The following PITPNM2 variants were observed in gnomAD, a reference collection of about 807,000 sequenced individuals.
PITPNM2 encodes the protein membrane-associated phosphatidylinositol transfer protein 2.
PITPNM2 carries 35 observed loss-of-function variants against 132.2 expected under a neutral mutation model. That is an observed-to-expected ratio of 0.26 (90% CI 0.20 to 0.35). The LOEUF is 0.35. Ranked by LOEUF, PITPNM2 falls within the 10% of genes least tolerant of loss-of-function variation. The pLI is 1.00. For missense variants in PITPNM2, 1,332 were observed against 1,912.0 expected (o/e 0.70, Z 5.66); for synonymous variants, 738 against 799.2 (o/e 0.92, Z 1.29).
chr12:123,124,397 A>C (rs1301267081), intron 1 of PITPNM2, among the ~76,000 whole-genome samples: 2 of 152,084 alleles, frequency 1.3e-5, no homozygotes, highest in African/African-American at 2.4e-5. Flanking sequence ...ACACCACTGC[A>C]CTCCAACCTG....
At chr12:123,049,933 G>A (rs1592973715) in intron 2 of PITPNM2, among the ~76,000 whole-genome samples, 1 of 152,352 alleles carries the variant, frequency 6.6e-6, no homozygotes, top group South Asian at 2.1e-4. Context: ...GGCAGATAAC[G>A]CTGCCGCCAA....
In PITPNM2 at chr12:123,005,191, T is replaced by C. The variant is rs1234245272; in HGVS notation, c.952+49A>G. On this transcript the variant is annotated intron_variant, in intron 7 of 25. Transcript: ENST00000320201. The surrounding 1 kb of genome is among the most constrained non-coding windows in gnomAD (Gnocchi z 6.2). ...TGATCCAGCAGTGTGTGGGGCTGCC[T>C]TGAGGGGAGGGACCTTGAGTGTGGG... is the stretch of plus-strand genomic sequence containing the variant. The C allele has an allele frequency of 3.2e-6, 5 of 1,574,920 alleles. No homozygotes were observed. In the South Asian group the frequency reaches 4.7e-5, roughly 15 times the overall value.
rs371274193 is a variant in PITPNM2 at position 122,986,423 on chromosome 12, T to C, written c.3726+13A>G. On this transcript the variant is annotated intron_variant, in intron 25 of 25. Coordinates refer to ENST00000320201, the MANE Select transcript of PITPNM2 (RefSeq NM_020845.3). ...TGCCCGCCTGCACCCGCCCCCACAA[T>C]GCGCCCACTCACCTGGCACTGCTGC... 3.8e-6 allele frequency: 6 copies of C among 1,567,054 alleles called. No homozygotes were observed. The highest frequency in any genetic ancestry group is 1.2e-5 in the South Asian group (1 of 85,510).
Position 122,986,045 on chromosome 12 carries a change from T to A in PITPNM2, c.4032A>T (p.Ala1344=). ...CGGTGCCCTACTTGGGGCCCGCGGCTGCCCCCGGCTCCAGGCGGCCAGTCA... is the reference window on the plus strand; with the variant it reads ...CGGTGCCCTACTTGGGGCCCGCGGCAGCCCCCGGCTCCAGGCGGCCAGTCA... ...RAMTGRLEPG[A]AAGPK Residue 1344 remains alanine (A), a synonymous_variant, in exon 26 of 26, where the codon GCA becomes GCT. Coordinates refer to ENST00000320201, the MANE Select transcript of PITPNM2 (RefSeq NM_020845.3). The A allele has an allele frequency of 7.1e-7, 1 of 1,407,090 alleles. No homozygotes were observed. The highest frequency in any genetic ancestry group is 9.2e-7 in the Non-Finnish European group (1 of 1,092,190). The allele number at this position is 1,407,090 out of a possible 1,614,324, so 87.2% of individuals were successfully genotyped here.
chr12:123,005,171 C>T lies in PITPNM2; in HGVS notation c.952+69G>A, dbSNP rs1214188153. 2 of 1,522,954 alleles carry T rather than the reference C, an allele frequency of 1.3e-6. No homozygotes were observed. The highest frequency in any genetic ancestry group is 8.9e-7 in the Non-Finnish European group (1 of 1,121,004). The allele number at this position is 1,522,954 out of a possible 1,614,324, so 94.3% of individuals were successfully genotyped here. A position where few individuals can be genotyped will look rare whatever the true frequency, so the allele number is the denominator to read the frequency against. Reference sequence around the variant, plus strand: ...AGAACTCTGAGGAGGTGCAGTGATCCAGCAGTGTGTGGGGCTGCCTTGAGG... The same window carrying T: ...AGAACTCTGAGGAGGTGCAGTGATCTAGCAGTGTGTGGGGCTGCCTTGAGG... On this transcript the variant is annotated intron_variant, in intron 7 of 25. Coordinates refer to ENST00000320201, the MANE Select transcript of PITPNM2 (RefSeq NM_020845.3). This position sits in a 1 kb window ranked among gnomAD's most constrained non-coding sequence, Gnocchi z 6.2.
intron 2 of PITPNM2, chr12:123,075,773 G>A (rs931804041): frequency 1.3e-4 from 20 of 152,344 alleles, no homozygotes; most frequent in Non-Finnish European, 1.5e-4. Context: ...ACACAGGAGG[G>A]CGGAGAGGCT....
chr12:123,046,963 A>G (rs891405182), intron 2 of PITPNM2, among the ~76,000 whole-genome samples: 1 of 152,230 alleles, frequency 6.6e-6, no homozygotes, highest in African/African-American at 2.4e-5. Flanking sequence ...CTATACTTAA[A>G]TCAATTTATA....
chr12:123,100,866 G>A (rs1340775496), intron 2 of PITPNM2, among the ~76,000 whole-genome samples: 2 of 152,214 alleles, frequency 1.3e-5, no homozygotes, highest in Non-Finnish European at 2.9e-5. Flanking sequence ...CTTCCACTGT[G>A]TTTCTATAAC....
chr12:123,109,867 C>T (rs1366388513), intron 2 of PITPNM2, among the ~76,000 whole-genome samples: 2 of 152,208 alleles, frequency 1.3e-5, no homozygotes, highest in African/African-American at 4.8e-5. Context: ...GGCAGAACAT[C>T]GGTCTTTCGT....
intron 1 of PITPNM2, among the ~76,000 whole-genome samples, chr12:123,133,011 A>G (rs561573862): frequency 1.3e-3 from 194 of 152,342 alleles, no homozygotes; most frequent in Non-Finnish European, 2.2e-3. Context: ...TACTATGAAC[A>G]TTAAGCTACA....
At chr12:123,090,062 T>C (rs574490964) in intron 2 of PITPNM2, 60 of 152,328 alleles carry the variant, frequency 3.9e-4, no homozygotes, top group African/African-American at 1.3e-3. Flanking sequence ...AATTTATTAT[T>C]TCATGCTGCT....
chr12:123,005,074 G>C lies in PITPNM2; in HGVS notation c.952+166C>G, dbSNP rs758067975. On this transcript the variant is annotated intron_variant, in intron 7 of 25. Transcript: ENST00000320201. This position sits in a 1 kb window ranked among gnomAD's most constrained non-coding sequence, Gnocchi z 6.2. ...GGGAGCCCACTGGGGCAGGGCCCAGGCTTCCCTGTGTGCGAGGACTAGCCC... is the reference window on the plus strand; with the variant it reads ...GGGAGCCCACTGGGGCAGGGCCCAGCCTTCCCTGTGTGCGAGGACTAGCCC... Among the ~76,000 whole-genome samples the C allele has an allele frequency of 6.6e-6, 1 of 152,212 alleles. No individual in the cohort carries two copies. Among genetic ancestry groups the C allele is most frequent in the African/African-American group, 2.4e-5 (1 of 41,466 alleles).
rs1470333457 is a variant in PITPNM2, at chr12:123,094,130, C to T, written c.-96+16255G>A. ...AGGTGTCACTGGGCCATGGCAGCTG[C>T]TTCTCTTGTGGCACTGCTGGCTTGG... On this transcript the variant is annotated intron_variant, in intron 2 of 25. Coordinates refer to ENST00000320201, the MANE Select transcript of PITPNM2 (RefSeq NM_020845.3). 2.6e-5 allele frequency among the ~76,000 whole-genome samples: 4 copies of T among 152,358 alleles called. No individual in the cohort carries two copies. In the South Asian group the frequency reaches 6.2e-4, roughly 24 times the overall value.
chr12:123,105,609 G>T (rs755156673), intron 2 of PITPNM2: 3 of 152,196 alleles, frequency 2.0e-5, no homozygotes, highest in African/African-American at 7.2e-5. Context: ...TCCTGCTGAC[G>T]ACACCTGGTT....
Position 123,000,180 on chromosome 12 carries a change from T to C in PITPNM2, c.1224+598A>G, listed in dbSNP as rs142258772. On this transcript the variant is annotated intron_variant, in intron 10 of 25. Transcript: ENST00000320201. The surrounding 1 kb of genome is among the most constrained non-coding windows in gnomAD (Gnocchi z 5.4). ...GCCAGAGCAGTGCGGTGACCGCAGG[T>C]GATGGTGGGACAGCCCAGCTCAGCC... The C allele has an allele frequency of 1.3e-4, 71 of 563,466 alleles. No individual in the cohort carries two copies. Among genetic ancestry groups the C allele is most frequent in the African/African-American group, 1.1e-3 (59 of 53,220 alleles). 34.9% of individuals were successfully genotyped at this position (563,466 alleles called of 1,614,324 possible).
At position 123,107,159 on chromosome 12, in the gene PITPNM2, C is replaced by T. The variant is rs539670933; in HGVS notation, c.-96+3226G>A. Among the ~76,000 whole-genome samples the T allele has an allele frequency of 3.9e-5, 6 of 152,264 alleles. No individual in the cohort carries two copies. The South Asian group carries it at 6.2e-4, about 16-fold the overall frequency. ...CTCTTTCTCCTCAGGAGACAGTGAC[C>T]TTTTGAGGCCTGTCACAGAGACAAT... On this transcript the variant is annotated intron_variant, in intron 2 of 25. Coordinates refer to ENST00000320201, the MANE Select transcript of PITPNM2 (RefSeq NM_020845.3).
rs751960419 is a variant in PITPNM2 at position 122,996,879 on chromosome 12, G to A, written c.1504C>T (p.Leu502=). 6.3e-7 allele frequency: 1 copy of A among 1,585,876 alleles called. No individual in the cohort carries two copies. Among genetic ancestry groups the A allele is most frequent in the Admixed American group, 2.0e-5 (1 of 49,706 alleles). Residue 502 remains leucine (L), a synonymous_variant, in exon 12 of 26, where the codon CTG becomes TTG. Coordinates refer to ENST00000320201, the MANE Select transcript of PITPNM2 (RefSeq NM_020845.3). ...LSPYSHDEGC[L]SSSQDHIPLA... The stretch of plus-strand genomic sequence containing the variant: ...GGAATGTGGTCCTGACTGCTGGACA[G>A]ACAGCCTTCGTCATGGCTGTAGGGG...
chr12:123,137,458 C>A (rs764626686), intron 1 of PITPNM2, among the ~76,000 whole-genome samples: 2 of 152,182 alleles, frequency 1.3e-5, no homozygotes, highest in African/African-American at 2.4e-5. Context: ...TGCTCTGTGC[C>A]TGACCAGGAC....
chr12:123,133,384 G>C (rs888812264), intron 1 of PITPNM2, among the ~76,000 whole-genome samples: 2 of 152,182 alleles, frequency 1.3e-5, no homozygotes, highest in Non-Finnish European at 1.5e-5. Flanking sequence ...TCCAATTCTA[G>C]TTCCAGCTCT....
Sources: allele counts gnomAD v4.1 joint callset (sites outside exome capture counted in the v4.1 genomes callset), GRCh38; gene constraint gnomAD v4.1.1; non-coding constraint Gnocchi (gnomAD v3.1); transcripts MANE v1.5; gene names NCBI Gene and HGNC (gene_info 2026-07-23, HGNC 2026-07-21).